The following CDH12 variants were observed in gnomAD, a reference collection of about 807,000 sequenced individuals.
The protein encoded by CDH12 is cadherin-12.
CDH12 carries 41 observed loss-of-function variants against 74.1 expected under a neutral mutation model. That is an observed-to-expected ratio of 0.55 (90% CI 0.43 to 0.72). CDH12 has a LOEUF of 0.72. Among genes scored for constraint, CDH12 ranks in the 30% least tolerant of loss-of-function variants. The pLI, the probability that CDH12 is intolerant of heterozygous loss-of-function variation, is 0.00. For missense variants in CDH12, 945 were observed against 977.2 expected (o/e 0.97, Z 0.44); for synonymous variants, 399 against 355.0 (o/e 1.12, Z -1.39).
chr5:21,760,472 C>A, intron 13 of CDH12, 86 bp downstream of exon 13: 1 of 715,266 alleles, frequency 1.4e-6, no homozygotes, highest in South Asian at 1.6e-5. Flanking sequence ...AAATTAAGTG[C>A]TTCAAAGAAA....
chr5:22,128,391 C>G (rs771477456), intron 4 of CDH12, among the ~76,000 whole-genome samples: 45 of 151,274 alleles, frequency 3.0e-4, no homozygotes, highest in Non-Finnish European at 6.2e-4. Context: ...AAATATAATC[C>G]TAAGAGAAAA....
At position 22,587,723 on chromosome 5, in the gene CDH12, C is replaced by G. The variant is rs182217590; in HGVS notation, c.-522-82359G>C. On this transcript the variant is annotated intron_variant, in intron 1 of 14. Transcript: ENST00000382254. The stretch of plus-strand genomic sequence containing the variant: ...TTAAACTTACCAATAATCTGTTCCT[C>G]TTTACTAACCATTTTCTGTTGAGAC... Among the ~76,000 whole-genome samples the G allele has an allele frequency of 2.9e-4, 44 of 152,134 alleles. No homozygotes were observed. In the East Asian group the frequency reaches 2.9e-3, roughly 10 times the overall value.
intron 1 of CDH12, among the ~76,000 whole-genome samples, chr5:22,575,268 T>A (rs1478056019): frequency 6.6e-6 from 1 of 152,164 alleles, no homozygotes; most frequent in Non-Finnish European, 1.5e-5. Flanking sequence ...ATATCCTCCT[T>A]CCCCAACCCT....
intron 3 of CDH12, among the ~76,000 whole-genome samples, chr5:22,327,845 C>A (rs908364111): frequency 1.3e-5 from 2 of 152,138 alleles, no homozygotes; most frequent in Non-Finnish European, 2.9e-5. Flanking sequence ...TTGATCTCCC[C>A]ATGAGAGGTC....
chr5:22,179,340 G>A (rs1159434512), intron 4 of CDH12, among the ~76,000 whole-genome samples: 4 of 152,198 alleles, frequency 2.6e-5, no homozygotes, highest in Middle Eastern at 3.4e-3. Context: ...TTCTTTGGAG[G>A]CAGGTTAATT....
chr5:22,354,358 C>T (rs575450904), intron 3 of CDH12, among the ~76,000 whole-genome samples: 8 of 152,314 alleles, frequency 5.3e-5, no homozygotes, highest in Non-Finnish European at 1.0e-4. Flanking sequence ...CATCAACCAT[C>T]GCCATCACCA....
At chr5:21,803,563 A>G (rs1239400935) in intron 9 of CDH12, among the ~76,000 whole-genome samples, 1 of 152,158 alleles carries the variant, frequency 6.6e-6, no homozygotes, top group Non-Finnish European at 1.5e-5. Flanking sequence ...TTTTATGTCC[A>G]CAATAACTGA....
intron 1 of CDH12, among the ~76,000 whole-genome samples, chr5:22,820,344 G>A: frequency 6.6e-6 from 1 of 152,006 alleles, no homozygotes; most frequent in East Asian, 1.9e-4. Flanking sequence ...TGTTGTGGGA[G>A]GGAACCAGTG....
At chr5:21,839,730 G>A (rs558636421) in intron 8 of CDH12, among the ~76,000 whole-genome samples, 1 of 152,248 alleles carries the variant, frequency 6.6e-6, no homozygotes, top group Non-Finnish European at 1.5e-5. Context: ...CTCCTGGAGT[G>A]GAAAGAGAAA....
At chr5:22,529,239 G>T (rs530874987) in intron 1 of CDH12, among the ~76,000 whole-genome samples, 24 of 148,884 alleles carry the variant, frequency 1.6e-4, no homozygotes, top group African/African-American at 5.4e-4. Context: ...GAGAGAGAGA[G>T]ATTTATTATA....
At chr5:22,580,403 G>A (rs778770139) in intron 1 of CDH12, 4 of 496,176 alleles carry the variant, frequency 8.1e-6, no homozygotes, top group African/African-American at 2.0e-5. Flanking sequence ...AGGGTGGGTA[G>A]GGAGCATCCT....
At chr5:21,830,290 C>T (rs1748941161) in intron 8 of CDH12, among the ~76,000 whole-genome samples, 1 of 148,718 alleles carries the variant, frequency 6.7e-6, no homozygotes, top group Non-Finnish European at 1.5e-5. Flanking sequence ...CATTTTCAAC[C>T]ACCACTTGTT....
chr5:21,770,174 C>T (rs114857801), intron 11 of CDH12, among the ~76,000 whole-genome samples: 2,301 of 152,192 alleles, frequency 0.015, 61 homozygotes, highest in African/African-American at 0.05. Context: ...AATTGTACCT[C>T]GTAGATGTGT....
At position 21,999,462 on chromosome 5, in the gene CDH12, A is replaced by C. The variant is rs188046759; in HGVS notation, c.232-24077T>G. Among the ~76,000 whole-genome samples, 26 of 152,316 alleles carry C rather than the reference A, an allele frequency of 1.7e-4. No individual in the cohort carries two copies. The East Asian group carries it at 5.0e-3, about 29-fold the overall frequency. On this transcript the variant is annotated intron_variant, in intron 5 of 14. Coordinates refer to ENST00000382254, the MANE Select transcript of CDH12 (RefSeq NM_004061.5). ...CAGGTTTGATGCGCTATCAGTTAACACTGCACTATTTTCACAAGAAATATG... is the reference window on the plus strand; with the variant it reads ...CAGGTTTGATGCGCTATCAGTTAACCCTGCACTATTTTCACAAGAAATATG...
intron 13 of CDH12, among the ~76,000 whole-genome samples, chr5:21,756,647 T>G (rs1316865506): frequency 2.0e-5 from 3 of 152,224 alleles, no homozygotes; most frequent in Admixed American, 2.0e-4. Flanking sequence ...GTTTTATGAA[T>G]AACAATATTT....
At chr5:21,844,576 G>A (rs1464052037) in intron 7 of CDH12, among the ~76,000 whole-genome samples, 1 of 152,080 alleles carries the variant, frequency 6.6e-6, no homozygotes, top group African/African-American at 2.4e-5. Flanking sequence ...TCAGAAACAG[G>A]GTAGAGCAGG....
intron 4 of CDH12, chr5:22,139,333 A>C (rs1746658584): frequency 6.9e-6 from 1 of 143,994 alleles, no homozygotes; most frequent in African/African-American, 2.6e-5. Flanking sequence ...CCAAGGGTTT[A>C]AATTGCAGGA....
intron 2 of CDH12, among the ~76,000 whole-genome samples, chr5:22,455,414 C>T (rs1007068213): frequency 6.6e-6 from 1 of 151,906 alleles, no homozygotes; most frequent in Non-Finnish European, 1.5e-5. Context: ...TCAGCATTAC[C>T]CGGGAAGGAA....
At chr5:21,973,566 G>T (rs1756945097) in intron 6 of CDH12, among the ~76,000 whole-genome samples, 1 of 152,102 alleles carries the variant, frequency 6.6e-6, no homozygotes, top group South Asian at 2.1e-4. Context: ...CAAGGAGACG[G>T]AATTTTCCAA....
Sources: gnomAD v4.1 joint callset for allele counts (sites outside exome capture counted in the v4.1 genomes callset) on GRCh38, gnomAD v4.1.1 for gene constraint, MANE v1.5 for transcripts, NCBI Gene and HGNC (gene_info 2026-07-23, HGNC 2026-07-21) for gene names.